ANO1: variants seen among roughly 807,000 people sequenced by gnomAD.
ANO1 encodes anoctamin-1.
In ANO1, 59 loss-of-function variants were observed where a neutral mutation model predicts 124.0. The ratio of observed to expected loss-of-function variants is 0.48; its 90% CI spans 0.39 to 0.59. ANO1 has a LOEUF of 0.59. Among genes scored for constraint, ANO1 ranks in the 20% least tolerant of loss-of-function variants. The pLI is 0.00. For missense variants in ANO1, 1,059 were observed against 1,328.0 expected (o/e 0.80, Z 3.15); for synonymous variants, 529 against 532.0 (o/e 0.99, Z 0.08).
chr11:70,049,601 G>A (rs568129066), intron 1 of ANO1, among the ~76,000 whole-genome samples: 6 of 152,292 alleles, frequency 3.9e-5, no homozygotes, highest in African/African-American at 1.4e-4. Flanking sequence ...GGTAATGGTG[G>A]GGATAACTAT....
chr11:70,047,176 A>G (rs1857274756), intron 1 of ANO1, among the ~76,000 whole-genome samples: 1 of 151,986 alleles, frequency 6.6e-6, no homozygotes, highest in Non-Finnish European at 1.5e-5. Context: ...ATAATAATAT[A>G]TTGTGATTGA....
Position 70,126,067 on chromosome 11 carries a change from T to C in ANO1, c.969T>C (p.Tyr323=). 1 of 1,609,006 alleles carries C rather than the reference T, an allele frequency of 6.2e-7. No individual in the cohort carries two copies. The highest frequency in any genetic ancestry group is 1.1e-5 in the South Asian group (1 of 89,744). The change falls in exon 10 of 26, where the codon TAT becomes TAC. Residue 323 remains tyrosine, a synonymous_variant. Coordinates refer to ENST00000355303, the MANE Select transcript of ANO1 (RefSeq NM_018043.7). Reference sequence around the variant, plus strand: ...CTCTGCTCCCCTGGTGTAGGAAGTATTTTGGGGAGAAGATCGGCCTGTACT... The same window carrying C: ...CTCTGCTCCCCTGGTGTAGGAAGTACTTTGGGGAGAAGATCGGCCTGTACT... ...KYQPIDLVRK[Y]FGEKIGLYFA...
At chr11:69,996,188 C>T (rs1424134004) in intron 1 of ANO1, among the ~76,000 whole-genome samples, 1 of 152,096 alleles carries the variant, frequency 6.6e-6, no homozygotes, top group African/African-American at 2.4e-5. Flanking sequence ...AGATTGGAAC[C>T]ATCAATCTAT....
chr11:70,042,509 T>TAC (rs1264908350), intron 1 of ANO1, among the ~76,000 whole-genome samples: 1 of 149,500 alleles, frequency 6.7e-6, no homozygotes, highest in African/African-American at 2.5e-5. Flanking sequence ...CACATACATA[T>TAC]ACACAGAGAG....
intron 1 of ANO1, chr11:70,085,564 A>G (rs998845046): frequency 2.0e-6 from 3 of 1,535,858 alleles, no homozygotes; most frequent in Non-Finnish European, 2.6e-6. Flanking sequence ...TGTTTCCAGG[A>G]GAGGCATCCT....
the ANO1 span, among the ~76,000 whole-genome samples, chr11:69,972,399 A>G: frequency 6.6e-6 from 1 of 152,012 alleles, no homozygotes; most frequent in East Asian, 1.9e-4. Flanking sequence ...CACTGCAAAC[A>G]CACAAGCAGC....
rs1030669108 is a variant in ANO1, at chr11:70,086,604, G to T, written c.109-1148G>T. Among the ~76,000 whole-genome samples the T allele has an allele frequency of 2.0e-5, 3 of 152,208 alleles. 1 individual carries two copies. The highest frequency in any genetic ancestry group is 4.4e-5 in the Non-Finnish European group (3 of 68,026). ...CTGCCGCAGGCCACGTGTGGGGAAG[G>T]TGCAAGCGCAGGGTCATTAACACCC... On this transcript the variant is annotated intron_variant, in intron 1 of 25. Transcript: ENST00000355303.
intron 16 of ANO1, among the ~76,000 whole-genome samples, chr11:70,157,279 A>G (rs1326216423): frequency 6.7e-6 from 1 of 149,582 alleles, no homozygotes; most frequent in African/African-American, 2.5e-5. Flanking sequence ...AGGCAGGACA[A>G]TTGCTTGAAC....
Position 70,156,928 on chromosome 11 carries a change from G to A in ANO1, c.1504-19G>A. The A allele has an allele frequency of 6.2e-7, 1 of 1,611,250 alleles. No individual in the cohort carries two copies. The highest frequency in any genetic ancestry group is 1.1e-5 in the South Asian group (1 of 90,590). On this transcript the variant is annotated intron_variant, in intron 15 of 25. Transcript: ENST00000355303. ...TCGTGATGGTTCCAGACAGTGACCG[G>A]CATTGTTTTGTGTTGTAGACTGACA... is the stretch of plus-strand genomic sequence containing the variant.
chr11:70,169,078 TGCCTGCAGGGTC>T (rs2048359920), intron 21 of ANO1, among the ~76,000 whole-genome samples: 1 of 152,170 alleles, frequency 6.6e-6, no homozygotes, highest in Non-Finnish European at 1.5e-5. Context: ...TGGCTTCCCC[TGCCTGCAGGGTC>T]GCTCCTTCCA....
upstream of ANO1, among the ~76,000 whole-genome samples, chr11:69,981,637 G>A (rs568622392): frequency 2.2e-4 from 33 of 152,236 alleles, no homozygotes; most frequent in South Asian, 3.9e-3. Flanking sequence ...CAGCTGCCTC[G>A]GAGGCTGGGC....
chr11:69,972,678 A>G, the ANO1 span, among the ~76,000 whole-genome samples: 4 of 152,084 alleles, frequency 2.6e-5, no homozygotes, highest in Non-Finnish European at 5.9e-5. Context: ...GTAGTTCACA[A>G]CCCTAAGAAG....
At chr11:70,152,682 G>A (rs2047652736) in intron 13 of ANO1, among the ~76,000 whole-genome samples, 1 of 152,184 alleles carries the variant, frequency 6.6e-6, no homozygotes, top group South Asian at 2.1e-4. Context: ...GGCACCTCTG[G>A]GCTTCCTGCG....
chr11:70,077,548 C>T (rs574593932), upstream of ANO1, among the ~76,000 whole-genome samples: 3 of 152,270 alleles, frequency 2.0e-5, no homozygotes, highest in East Asian at 5.8e-4. Context: ...CTGCTAGGTC[C>T]GGGGGTAAGA....
intron 2 of ANO1, among the ~76,000 whole-genome samples, chr11:70,099,200 G>A (rs1003162703): frequency 1.3e-5 from 2 of 152,176 alleles, no homozygotes; most frequent in African/African-American, 2.4e-5. Context: ...GGCTGGGGGC[G>A]AAGGGGACAC....
upstream of ANO1, chr11:70,078,161 C>A (rs1169190389): frequency 1.3e-5 from 2 of 152,440 alleles, no homozygotes; most frequent in Non-Finnish European, 2.9e-5. Context: ...GGGGCACTTT[C>A]CCTGGATAAA....
In ANO1 at chr11:70,142,066, A is replaced by G. The variant is rs527540409; in HGVS notation, c.1259-7644A>G. ...AGACTTCAGCTTGCTGCTGTCTGGA[A>G]TTTCTGACATTTGAAAGCCTCAAAT... On this transcript the variant is annotated intron_variant, in intron 11 of 25. Transcript: ENST00000355303. Among the ~76,000 whole-genome samples the G allele has an allele frequency of 1.5e-4, 23 of 152,318 alleles. No homozygotes were observed. In the South Asian group the frequency reaches 4.6e-3, roughly 30 times the overall value.
Position 70,187,746 on chromosome 11 carries a change from C to T in ANO1, c.2703C>T (p.Val901=). The change falls in exon 26 of 26, where the codon GTC becomes GTT. Residue 901 remains valine (V), a synonymous_variant. Coordinates refer to ENST00000355303, the MANE Select transcript of ANO1 (RefSeq NM_018043.7). ...LAFVIVFQNL[V]MFMSDFVDWV... ...GTTGCCTCTCCTTCCAGAACCTGGTCATGTTCATGAGCGACTTTGTGGACT... is the reference window on the plus strand; with the variant it reads ...GTTGCCTCTCCTTCCAGAACCTGGTTATGTTCATGAGCGACTTTGTGGACT... 2.5e-6 allele frequency: 4 copies of T among 1,607,878 alleles called. No individual in the cohort carries two copies. Among genetic ancestry groups the T allele is most frequent in the Non-Finnish European group, 3.4e-6 (4 of 1,177,448 alleles).
At chr11:70,152,908 T>G in intron 13 of ANO1, 149 bp from the exon 14 acceptor site, 3 of 682,764 alleles carry the variant, frequency 4.4e-6, no homozygotes. Flanking sequence ...ATGGGGTGAT[T>G]ACACTGGAAA....
Sources: gnomAD v4.1 joint callset for allele counts (sites outside exome capture counted in the v4.1 genomes callset) on GRCh38, gnomAD v4.1.1 for gene constraint, MANE v1.5 for transcripts, NCBI Gene and HGNC (gene_info 2026-07-23, HGNC 2026-07-21) for gene names.